The following FAH variants were observed in gnomAD, a reference collection of about 807,000 sequenced individuals.
The protein encoded by FAH is fumarylacetoacetase.
Under a neutral mutation model 55.8 loss-of-function variants are expected in FAH, and 47 were observed. That is an observed-to-expected ratio of 0.84 (90% confidence interval 0.67 to 1.07). The LOEUF (loss-of-function observed/expected upper bound fraction) is 1.07. FAH is among the 50% of genes least tolerant of loss of function. The pLI is 0.00. For missense variants in FAH, 495 were observed against 545.9 expected, an observed-to-expected ratio of 0.91 and a Z score of 0.93; for synonymous variants, 199 against 207.7, an observed-to-expected ratio of 0.96 and a Z score of 0.36.
chr15:80,174,641 G>A (rs1438062503), intron 9 of FAH, among the ~76,000 whole-genome samples: 3 of 152,106 alleles, frequency 2.0e-5, no homozygotes, highest in Non-Finnish European at 4.4e-5. Flanking sequence ...TGCCTTCCAG[G>A]GGCCCTGCAA....
rs1347045447 is a variant in FAH, at chr15:80,172,901, T to A, written c.707-113T>A. On this transcript the variant is annotated intron_variant, in intron 8 of 13. Coordinates refer to ENST00000561421, the MANE Select transcript of FAH (RefSeq NM_000137.4). ...GGGGCAGCCTGACTGGGGCTGATCT[T>A]TGTGGAGATGGCAGTGCTAGGTGTC... is the stretch of plus-strand genomic sequence containing the variant. 3.6e-6 allele frequency: 5 copies of A among 1,383,700 alleles called. No individual in the cohort carries two copies. In the African/African-American group the frequency reaches 7.6e-5, roughly 21 times the overall value. 85.7% of individuals were successfully genotyped at this position (1,383,700 alleles called of 1,614,324 possible). A position where few individuals can be genotyped will look rare whatever the true frequency, so the allele number is the denominator to read the frequency against.
At chr15:80,161,133 C>T (rs1295854418) in intron 4 of FAH, among the ~76,000 whole-genome samples, 2 of 152,214 alleles carry the variant, frequency 1.3e-5, no homozygotes, top group African/African-American at 4.8e-5. Context: ...GGCCGAGTCA[C>T]CTGCCTCCTC....
intron 1 of FAH, among the ~76,000 whole-genome samples, chr15:80,155,789 G>A (rs189363987): frequency 1.4e-4 from 21 of 152,190 alleles, no homozygotes; most frequent in Admixed American, 5.9e-4. Flanking sequence ...ATCATGGGAC[G>A]GGGGCTCTTC....
chr15:80,153,170 A>AG lies in FAH; in HGVS notation c.81+38dup, dbSNP rs60184934. ...GGGGCTTTGGCGTCCGGGCGCGGGGAGGGAGTGGAGTGGAGTGGAGTGGAG... is the reference window on the plus strand; with the variant it reads ...GGGGCTTTGGCGTCCGGGCGCGGGGAGGGGAGTGGAGTGGAGTGGAGTGGAG... On this transcript the variant is annotated intron_variant, in intron 1 of 13. Transcript: ENST00000561421. The AG allele has an allele frequency of 0.14, 197,023 of 1,402,618 alleles. 17,431 individuals carry two copies. The highest frequency in any genetic ancestry group is 0.31 in the African/African-American group (14,153 of 46,222). 86.9% of individuals were successfully genotyped at this position (1,402,618 alleles called of 1,614,324 possible). A position where few individuals can be genotyped will look rare whatever the true frequency, so the allele number is the denominator to read the frequency against.
intron 1 of FAH, among the ~76,000 whole-genome samples, chr15:80,154,125 T>G (rs2142087736): frequency 6.6e-6 from 1 of 152,250 alleles, no homozygotes; most frequent in South Asian, 2.1e-4. Context: ...GACCAGATGT[T>G]GCAAGGATAC....
Position 80,177,581 on chromosome 15 carries a change from A to C in FAH, c.958A>C (p.Lys320Gln). The change falls in exon 11 of 14, where the codon AAG becomes CAG. Residue 320 changes from lysine to glutamine, a missense_variant and splice_region_variant. Lys to Gln is a moderately conservative substitution (Grantham distance 53, BLOSUM62 1). Coordinates refer to ENST00000561421, the MANE Select transcript of FAH (RefSeq NM_000137.4). ...GGCTACCATATGCAAGTCCAATTTTAAGGTAAGCTTTGACGCTGATCAGAC... is the reference window on the plus strand; with the variant it reads ...GGCTACCATATGCAAGTCCAATTTTCAGGTAAGCTTTGACGCTGATCAGAC... ...QAATICKSNF[K>Q]YMYWTMLQQL... The C allele has an allele frequency of 6.2e-7, 1 of 1,613,650 alleles. No individual in the cohort carries two copies. The highest frequency in any genetic ancestry group is 1.1e-5 in the South Asian group (1 of 91,074).
intron 7 of FAH, among the ~76,000 whole-genome samples, chr15:80,170,569 C>T (rs1029532452): frequency 6.6e-6 from 1 of 152,202 alleles, no homozygotes; most frequent in Non-Finnish European, 1.5e-5. Context: ...GGGAGGAGGA[C>T]CCCCAGCTGA....
intron 3 of FAH, chr15:80,160,102 A>G (rs1249993248): frequency 1.5e-6 from 1 of 654,354 alleles, no homozygotes; most frequent in Admixed American, 2.7e-5. Flanking sequence ...AGGCCAGGCC[A>G]GGCCCATTGG....
At chr15:80,183,315 AAG>A (rs1281195934) in intron 13 of FAH, among the ~76,000 whole-genome samples, 1 of 152,232 alleles carries the variant, frequency 6.6e-6, no homozygotes, top group Non-Finnish European at 1.5e-5. Flanking sequence ...AAAAAGAAAA[AAG>A]AGAATTTCAT....
intron 2 of FAH, among the ~76,000 whole-genome samples, chr15:80,159,291 C>T (rs1251277733): frequency 6.6e-6 from 1 of 151,464 alleles, no homozygotes; most frequent in Non-Finnish European, 1.5e-5. Context: ...CCAGGCTGAT[C>T]TTGAACTCCT....
chr15:80,184,161 C>T lies in FAH; in HGVS notation c.1181-1969C>T, dbSNP rs9672598. Among the ~76,000 whole-genome samples the T allele has an allele frequency of 3.0e-3, 459 of 152,324 alleles. 3 individuals carry two copies. The highest frequency in any genetic ancestry group is 0.01 in the African/African-American group (417 of 41,570). ...GGATGTGTTCTCGCAGGCATTTGCA[C>T]GGATGGCTCTGCACTGCTGGACACA... is the stretch of plus-strand genomic sequence containing the variant. On this transcript the variant is annotated intron_variant, in intron 13 of 13. Coordinates refer to ENST00000561421, the MANE Select transcript of FAH (RefSeq NM_000137.4).
chr15:80,171,695 C>G (rs2041242006), intron 7 of FAH, among the ~76,000 whole-genome samples: 3 of 152,174 alleles, frequency 2.0e-5, no homozygotes, highest in Admixed American at 2.0e-4. Context: ...CTCCGAGGCT[C>G]AAGTGATCCT....
At chr15:80,171,681 C>G (rs964066224) in intron 7 of FAH, among the ~76,000 whole-genome samples, 1 of 152,128 alleles carries the variant, frequency 6.6e-6, no homozygotes, top group Admixed American at 6.5e-5. Context: ...AGGCTTGTCT[C>G]AAACTCCGAG....
chr15:80,164,628 A>AC (rs2041176770), intron 5 of FAH, among the ~76,000 whole-genome samples: 1 of 152,220 alleles, frequency 6.6e-6, no homozygotes, highest in South Asian at 2.1e-4. Flanking sequence ...GGCAAAAAAT[A>AC]TTAGACTCCA....
chr15:80,165,711 CAA>C (rs746350394), intron 5 of FAH, among the ~76,000 whole-genome samples: 23 of 127,208 alleles, frequency 1.8e-4, no homozygotes, highest in Middle Eastern at 3.8e-3. Flanking sequence ...CACCCCCCAC[CAA>C]AAAAAAAAAA....
upstream of FAH, chr15:80,152,988 C>A (rs886051495): frequency 1.5e-4 from 209 of 1,430,804 alleles, 3 homozygotes; most frequent in Admixed American, 1.1e-3. Flanking sequence ...CTGACCACAG[C>A]GGCCGAGTTC....
chr15:80,182,945 A>G (rs1465815885), intron 13 of FAH, among the ~76,000 whole-genome samples: 1 of 152,208 alleles, frequency 6.6e-6, no homozygotes, highest in Non-Finnish European at 1.5e-5. Context: ...TGTCAGTGTG[A>G]TAAGGGCCCC....
At chr15:80,159,979 G>C in intron 3 of FAH, 102 bp downstream of exon 3, 1 of 1,468,804 alleles carries the variant, frequency 6.8e-7, no homozygotes, top group Non-Finnish European at 9.3e-7. Context: ...GGCAGCCTTA[G>C]TGTGGCCAAG....
At chr15:80,174,919 G>T (rs1168217871) in intron 9 of FAH, 97 bp from the exon 10 acceptor site, 2 of 927,180 alleles carry the variant, frequency 2.2e-6, no homozygotes, top group Admixed American at 1.7e-5. Flanking sequence ...CTGCCTAGGG[G>T]AGCAGGTGCT....
Sources: gnomAD v4.1 joint callset for allele counts (sites outside exome capture counted in the v4.1 genomes callset) on GRCh38, gnomAD v4.1.1 for gene constraint, MANE v1.5 for transcripts, NCBI Gene and HGNC (gene_info 2026-07-23, HGNC 2026-07-21) for gene names.